THOC2: variants seen among roughly 807,000 people sequenced by gnomAD.
THOC2 encodes THO complex subunit 2.
Under a neutral mutation model 128.4 loss-of-function variants are expected in THOC2, and 10 were observed. The observed-to-expected ratio is 0.08, with a 90% CI of 0.05 to 0.13. The LOEUF (loss-of-function observed/expected upper bound fraction) is 0.13. Ranked by LOEUF, THOC2 falls within the 10% of genes least tolerant of loss-of-function variation. The pLI, the probability that THOC2 is intolerant of heterozygous loss-of-function variation, is 1.00. For missense variants in THOC2, 535 were observed against 1,155.7 expected (o/e 0.46, Z 7.79); for synonymous variants, 393 against 396.9 (o/e 0.99, Z 0.12).
chrX:123,718,956 A>C (rs1206294372), intron 1 of THOC2, among the ~76,000 whole-genome samples: 1 of 110,515 alleles, frequency 9.0e-6, no homozygotes, highest in Non-Finnish European at 1.9e-5. Context: ...TGGGCGGATC[A>C]TGAGGTCAGG....
chrX:123,730,514 G>T (rs1003043752), intron 1 of THOC2, among the ~76,000 whole-genome samples: 6 of 112,253 alleles, frequency 5.3e-5, no homozygotes, highest in African/African-American at 1.9e-4. Context: ...TCAAACATAA[G>T]AACTATGACA....
chrX:123,654,162 A>G (rs2048472137), intron 12 of THOC2, among the ~76,000 whole-genome samples: 1 of 110,321 alleles, frequency 9.1e-6, no homozygotes, highest in Admixed American at 9.7e-5. Flanking sequence ...GGAACAGAAA[A>G]CCAAACACCG....
At chrX:123,616,118 C>A (rs2046884359) in intron 33 of THOC2, among the ~76,000 whole-genome samples, 1 of 111,156 alleles carries the variant, frequency 9.0e-6, no homozygotes, top group African/African-American at 3.2e-5. Context: ...CCTACTTAGC[C>A]TTCAAAGATG....
intron 1 of THOC2, among the ~76,000 whole-genome samples, chrX:123,727,959 C>T (rs2052068415): frequency 8.9e-6 from 1 of 112,405 alleles, no homozygotes; most frequent in Non-Finnish European, 1.9e-5. Flanking sequence ...TTTCATCTTA[C>T]TTGTTCCCAT....
Position 123,705,913 on chromosome X carries a change from A to G in THOC2, c.222+945T>C, listed in dbSNP as rs754348893. 3.6e-5 allele frequency among the ~76,000 whole-genome samples: 4 copies of G among 111,661 alleles called. No individual in the cohort carries two copies. The East Asian group carries it at 1.1e-3, about 31-fold the overall frequency. The stretch of plus-strand genomic sequence containing the variant: ...TATAAATGTATATATACACATATAT[A>G]CACAGACACAAGATAATTTTATTTA... On this transcript the variant is annotated intron_variant, in intron 3 of 38. Coordinates refer to ENST00000245838, the MANE Select transcript of THOC2 (RefSeq NM_001081550.2).
intron 19 of THOC2, among the ~76,000 whole-genome samples, chrX:123,635,849 A>G (rs1366557140): frequency 8.9e-6 from 1 of 112,109 alleles, no homozygotes; most frequent in Non-Finnish European, 1.9e-5. Flanking sequence ...GTATCTTTTT[A>G]GTGCATTAAC....
At chrX:123,647,449 T>G (rs770511541) in intron 12 of THOC2, among the ~76,000 whole-genome samples, 10 of 110,818 alleles carry the variant, frequency 9.0e-5, no homozygotes, top group Non-Finnish European at 1.1e-4. Context: ...AGACATGCAT[T>G]CATTCATTCA....
chrX:123,679,940 T>C (rs981603323), intron 8 of THOC2, among the ~76,000 whole-genome samples: 1 of 112,244 alleles, frequency 8.9e-6, no homozygotes, highest in African/African-American at 3.2e-5. Flanking sequence ...CACAAACCAC[T>C]GCACACAAAA....
At chrX:123,640,695 T>C (rs2047878346) in intron 15 of THOC2, 73 bp from the exon 16 acceptor site, 1 of 580,091 alleles carries the variant, frequency 1.7e-6, no homozygotes, top group Admixed American at 3.7e-5. Flanking sequence ...CTTTGTTACA[T>C]CATCGTGGGG....
chrX:123,612,332 A>C (rs1414317889), intron 36 of THOC2, among the ~76,000 whole-genome samples: 1 of 112,370 alleles, frequency 8.9e-6, no homozygotes, highest in Admixed American at 9.4e-5. Context: ...TCATATAATG[A>C]AATATTACTT....
intron 20 of THOC2, among the ~76,000 whole-genome samples, chrX:123,633,372 A>C (rs968515663): frequency 8.9e-5 from 10 of 111,953 alleles, no homozygotes; most frequent in Non-Finnish European, 1.9e-4. Flanking sequence ...TAGAAGATAT[A>C]GTAATTATTT....
intron 8 of THOC2, among the ~76,000 whole-genome samples, chrX:123,675,434 A>G (rs1270020438): frequency 9.0e-6 from 1 of 110,752 alleles, no homozygotes; most frequent in Non-Finnish European, 1.9e-5. Context: ...TGAGGTCAGG[A>G]GTTTGAAACC....
At chrX:123,712,024 AAAAT>A (rs1483175655) in intron 2 of THOC2, among the ~76,000 whole-genome samples, 1 of 108,445 alleles carries the variant, frequency 9.2e-6, no homozygotes, top group African/African-American at 3.4e-5. Flanking sequence ...TGGTAGAACA[AAAAT>A]AAATATATAT....
intron 12 of THOC2, among the ~76,000 whole-genome samples, chrX:123,647,898 A>C (rs962321371): frequency 1.8e-5 from 2 of 109,905 alleles, no homozygotes; most frequent in African/African-American, 6.6e-5. Flanking sequence ...TGCAGATCTA[A>C]GAAGATCAAA....
At chrX:123,689,032 T>C (rs936501284) in intron 7 of THOC2, among the ~76,000 whole-genome samples, 1 of 112,584 alleles carries the variant, frequency 8.9e-6, no homozygotes, top group Non-Finnish European at 1.9e-5. Flanking sequence ...TTAGGCTACA[T>C]ACACAAAACT....
intron 1 of THOC2, among the ~76,000 whole-genome samples, chrX:123,718,458 A>C (rs764859309): frequency 4.5e-5 from 5 of 112,076 alleles, no homozygotes; most frequent in Non-Finnish European, 9.4e-5. Context: ...ACATCAAACA[A>C]AAAAAGTTTC....
chrX:123,624,688 T>C lies in THOC2; in HGVS notation c.3058-19A>G, dbSNP rs752793629. 2 of 1,179,747 alleles carry C rather than the reference T, an allele frequency of 1.7e-6. No homozygotes were observed. Among genetic ancestry groups the C allele is most frequent in the Non-Finnish European group, 2.3e-6 (2 of 871,608 alleles). ...AGAAAACCTACAGGAGAAAAATGTT[T>C]AAAAAATATAAACAAATCAAGGTCA... On this transcript the variant is annotated intron_variant, in intron 25 of 38. Transcript: ENST00000245838.
chrX:123,637,484 G>T (rs2047717338), intron 18 of THOC2, among the ~76,000 whole-genome samples: 1 of 111,732 alleles, frequency 8.9e-6, no homozygotes, highest in African/African-American at 3.3e-5. Context: ...TTTTTGGCTA[G>T]GCATGGTGGT....
intron 17 of THOC2, among the ~76,000 whole-genome samples, 180 bp downstream of exon 17, chrX:123,638,748 ACACTCT>A (rs1362421245): frequency 2.9e-5 from 3 of 103,662 alleles, no homozygotes; most frequent in Non-Finnish European, 5.9e-5. Context: ...ACACACACAC[ACACTCT>A]CTCTCTCTCT....
Sources: gnomAD v4.1 joint callset for allele counts (sites outside exome capture counted in the v4.1 genomes callset) on GRCh38, gnomAD v4.1.1 for gene constraint, MANE v1.5 for transcripts, NCBI Gene and HGNC (gene_info 2026-07-23, HGNC 2026-07-21) for gene names.